ANKH: variants seen among roughly 807,000 people sequenced by gnomAD.
ANKH encodes ANKH inorganic pyrophosphate transport regulator.
ANKH carries 15 observed loss-of-function variants against 49.0 expected under a neutral mutation model. The ratio of observed to expected loss-of-function variants is 0.31; its 90% CI spans 0.20 to 0.47. The LOEUF (loss-of-function observed/expected upper bound fraction) is 0.47. Among genes scored for constraint, ANKH ranks in the 20% least tolerant of loss-of-function variants. The pLI is 1.00. For missense variants in ANKH, 429 were observed against 652.0 expected (o/e 0.66, Z 3.72); for synonymous variants, 273 against 260.0 (o/e 1.05, Z -0.48).
chr5:14,711,458 G>GC, intron 11 of ANKH, 148 bp from the exon 12 acceptor site: 2 of 686,542 alleles, frequency 2.9e-6, no homozygotes, highest in South Asian at 3.3e-5. Flanking sequence ...CACCTCTTTT[G>GC]CATCTTAGCT....
intron 1 of ANKH, chr5:14,797,206 T>C (rs781052211): frequency 4.9e-5 from 65 of 1,331,450 alleles, no homozygotes; most frequent in Non-Finnish European, 6.8e-5. Flanking sequence ...CACACTTGCA[T>C]GATATTGTCT....
intron 2 of ANKH, among the ~76,000 whole-genome samples, chr5:14,767,827 A>G (rs1306003473): frequency 6.6e-6 from 1 of 152,132 alleles, no homozygotes; most frequent in East Asian, 1.9e-4. Flanking sequence ...AAAATGGCTC[A>G]GGTCAAATGT....
intron 1 of ANKH, among the ~76,000 whole-genome samples, chr5:14,825,243 A>C (rs928876069): frequency 6.6e-6 from 1 of 152,256 alleles, no homozygotes; most frequent in African/African-American, 2.4e-5. Context: ...TGGTACACAG[A>C]AATTCTAACT....
rs372739441 is a variant in ANKH, at chr5:14,720,515, C to T, written c.1012-3680G>A. 4.7e-4 allele frequency among the ~76,000 whole-genome samples: 72 copies of T among 152,302 alleles called. No individual in the cohort carries two copies. In the East Asian group the frequency reaches 0.011, roughly 23 times the overall value. On this transcript the variant is annotated intron_variant, in intron 8 of 11. Coordinates refer to ENST00000284268, the MANE Select transcript of ANKH (RefSeq NM_054027.6). ...GGAACACTATTTCCCTGTCCATATC[C>T]CATCCCCACAAATACATGGATCATC... is the stretch of plus-strand genomic sequence containing the variant.
In ANKH at chr5:14,755,886, G is replaced by A. The variant is rs773524266; in HGVS notation, c.491C>T (p.Ala164Val). ...KHKYSFLVGC[A>V]SISDVIAQVV... ...CTGAGCTATGACATCTGAGATTGAGGCACATCCCACCAGGAAACTGTATTT... is the reference window on the plus strand; with the variant it reads ...CTGAGCTATGACATCTGAGATTGAGACACATCCCACCAGGAAACTGTATTT... Residue 164 changes from alanine (A) to valine (V), a missense_variant, in exon 4 of 12, where the codon GCC (alanine) becomes GTC (valine). Around this residue, in one of 2 missense-constraint regions of ANKH, gnomAD observed 378 missense variants for 615.3 expected, o/e 0.61. Coordinates refer to ENST00000284268, the MANE Select transcript of ANKH (RefSeq NM_054027.6). 1.2e-6 allele frequency: 2 copies of A among 1,614,052 alleles called. No homozygotes were observed. The highest frequency in any genetic ancestry group is 1.7e-6 in the Non-Finnish European group (2 of 1,179,936).
chr5:14,757,426 ATATATTT>A (rs1481732565), intron 3 of ANKH, among the ~76,000 whole-genome samples: 7 of 130,114 alleles, frequency 5.4e-5, no homozygotes, highest in African/African-American at 1.3e-4. Context: ...ATATATATAT[ATATATTT>A]TTTTTTTTTT....
At chr5:14,766,203 G>A (rs1739253331) in intron 2 of ANKH, among the ~76,000 whole-genome samples, 1 of 151,130 alleles carries the variant, frequency 6.6e-6, no homozygotes, top group African/African-American at 2.4e-5. Context: ...ACCAGCCTGG[G>A]CAACATGGCA....
At chr5:14,835,367 G>A (rs542833687) in intron 1 of ANKH, among the ~76,000 whole-genome samples, 1 of 152,094 alleles carries the variant, frequency 6.6e-6, no homozygotes, top group African/African-American at 2.4e-5. Flanking sequence ...TGAAAAACCC[G>A]CAGTCCGTGC....
intron 9 of ANKH, 77 bp downstream of exon 9, chr5:14,716,629 T>C: frequency 3.1e-6 from 5 of 1,590,884 alleles, no homozygotes; most frequent in South Asian, 2.2e-5. Context: ...GTGACATAAT[T>C]GCAAACATTT....
At position 14,801,098 on chromosome 5, in the gene ANKH, T is replaced by C. The variant is rs960238744; in HGVS notation, c.97-31907A>G. 2.6e-5 allele frequency among the ~76,000 whole-genome samples: 4 copies of C among 152,204 alleles called. No individual in the cohort carries two copies. In the South Asian group the frequency reaches 6.2e-4, roughly 24 times the overall value. ...TTGCTTTCATGTGGAATTTGCTTCA[T>C]TGTGGTGGTCTGGAACCGAAGCCGC... On this transcript the variant is annotated intron_variant, in intron 1 of 11. Coordinates refer to ENST00000284268, the MANE Select transcript of ANKH (RefSeq NM_054027.6).
intron 2 of ANKH, among the ~76,000 whole-genome samples, chr5:14,766,318 C>T (rs1456980780): frequency 6.6e-6 from 1 of 152,150 alleles, no homozygotes; most frequent in African/African-American, 2.4e-5. Context: ...ATTGATTGAG[C>T]CCACGAGTTC....
In ANKH at chr5:14,725,163, C is replaced by T. The variant is rs1361810324; in HGVS notation, c.1012-8328G>A. Among the ~76,000 whole-genome samples the T allele has an allele frequency of 6.6e-6, 1 of 152,198 alleles. No homozygotes were observed. Among genetic ancestry groups the T allele is most frequent in the Non-Finnish European group, 1.5e-5 (1 of 68,042 alleles). On this transcript the variant is annotated intron_variant, in intron 8 of 11. Transcript: ENST00000284268. The surrounding 1 kb of genome is among the most constrained non-coding windows in gnomAD (Gnocchi z 4.0). The stretch of plus-strand genomic sequence containing the variant: ...AGGGCTTGGCACTGGCGCCTGACTG[C>T]CGGGCTGGCACTCCAACCCAGCTGT...
chr5:14,743,109 C>G (rs1738416607), intron 7 of ANKH, among the ~76,000 whole-genome samples: 1 of 152,238 alleles, frequency 6.6e-6, no homozygotes, highest in Non-Finnish European at 1.5e-5. Context: ...CCTTCCACCA[C>G]CAGCACCAAC....
At chr5:14,808,923 T>A (rs1180986784) in intron 1 of ANKH, among the ~76,000 whole-genome samples, 1 of 96,264 alleles carries the variant, frequency 1.0e-5, no homozygotes. Context: ...AGCAAAGACT[T>A]GGAACCAACC....
intron 1 of ANKH, among the ~76,000 whole-genome samples, chr5:14,800,837 C>T (rs1227794903): frequency 6.6e-6 from 1 of 151,766 alleles, no homozygotes; most frequent in African/African-American, 2.4e-5. Context: ...AGCAATCCTC[C>T]CACCTCAGCC....
chr5:14,797,069 T>TC (rs1185905022), intron 1 of ANKH: 2 of 1,318,190 alleles, frequency 1.5e-6, no homozygotes, highest in Non-Finnish European at 2.1e-6. Context: ...TAAATCACTC[T>TC]CGGGGTTGAG....
intron 4 of ANKH, among the ~76,000 whole-genome samples, chr5:14,754,737 A>C (rs1257260646): frequency 6.6e-6 from 1 of 152,196 alleles, no homozygotes; most frequent in Non-Finnish European, 1.5e-5. Flanking sequence ...GGTGGCTAAG[A>C]GAGCAGGGTG....
intron 1 of ANKH, among the ~76,000 whole-genome samples, chr5:14,802,802 G>A (rs1468743031): frequency 1.3e-5 from 2 of 152,050 alleles, no homozygotes; most frequent in Non-Finnish European, 2.9e-5. Flanking sequence ...GGCTGGGTTA[G>A]CTCCCCACCC....
chr5:14,727,297 A>G (rs1737852544), intron 8 of ANKH, among the ~76,000 whole-genome samples: 1 of 152,104 alleles, frequency 6.6e-6, no homozygotes, highest in East Asian at 1.9e-4. Flanking sequence ...AGTTGAAGCA[A>G]TCATCAACTG....
Sources: gnomAD v4.1 joint callset for allele counts (sites outside exome capture counted in the v4.1 genomes callset) on GRCh38, gnomAD v4.1.1 for gene constraint, gnomAD v4.1.1 regional missense constraint, Gnocchi (gnomAD v3.1) non-coding constraint, MANE v1.5 for transcripts, NCBI Gene and HGNC (gene_info 2026-07-23, HGNC 2026-07-21) for gene names.